The following TGFBI variants were observed in gnomAD, a reference collection of about 807,000 sequenced individuals.
TGFBI encodes the protein transforming growth factor beta induced.
TGFBI carries 50 observed loss-of-function variants against 73.7 expected under a neutral mutation model. The ratio of observed to expected loss-of-function variants is 0.68; its 90% CI spans 0.54 to 0.86. The LOEUF (loss-of-function observed/expected upper bound fraction) is 0.86. TGFBI is among the 40% of genes least tolerant of loss of function. TGFBI has a pLI of 0.00. For synonymous variants in TGFBI, 362 were observed against 360.5 expected (o/e 1.00, Z -0.05); for missense variants, 839 against 877.0 (o/e 0.96, Z 0.55).
chr5:136,060,668 C>T (rs371009522), intron 13 of TGFBI, among the ~76,000 whole-genome samples, 166 bp from the exon 14 acceptor site: 7 of 152,184 alleles, frequency 4.6e-5, no homozygotes, highest in African/African-American at 1.7e-4. Context: ...CGAGATCATG[C>T]CACTGCACTC....
At chr5:136,047,198 C>G in intron 5 of TGFBI, 76 bp from the exon 6 acceptor site, 1 of 1,583,674 alleles carries the variant, frequency 6.3e-7, no homozygotes, top group Non-Finnish European at 8.6e-7. Context: ...TTTGAAAACA[C>G]TGTTTTCTCC....
At chr5:136,054,923 G>T in intron 10 of TGFBI, 62 bp downstream of exon 10, 5 of 1,560,100 alleles carry the variant, frequency 3.2e-6, no homozygotes, top group Non-Finnish European at 4.3e-6. Flanking sequence ...TTGTATTAGT[G>T]TAAAAAAAAA....
chr5:136,034,381 G>T (rs1368732861), intron 2 of TGFBI, among the ~76,000 whole-genome samples: 1 of 151,876 alleles, frequency 6.6e-6, no homozygotes, highest in Non-Finnish European at 1.5e-5. Flanking sequence ...TGGGCCAGTC[G>T]ATTCATCTTT....
intron 2 of TGFBI, among the ~76,000 whole-genome samples, chr5:136,038,720 CA>C (rs35433510): frequency 1.5e-3 from 204 of 139,940 alleles, no homozygotes; most frequent in Non-Finnish European, 1.5e-3. Flanking sequence ...GACTCCATCT[CA>C]AAAAAAAAAA....
intron 2 of TGFBI, among the ~76,000 whole-genome samples, chr5:136,039,361 C>T (rs1751289017): frequency 6.6e-6 from 1 of 152,176 alleles, no homozygotes; most frequent in South Asian, 2.1e-4. Context: ...CCTTTTGCTG[C>T]CCCCAGGGGG....
At chr5:136,040,683 G>GAGA (rs2126906069) in intron 2 of TGFBI, among the ~76,000 whole-genome samples, 1 of 152,354 alleles carries the variant, frequency 6.6e-6, no homozygotes, top group South Asian at 2.1e-4. Context: ...TCTGGCTGAG[G>GAGA]AGAAGCCTGA....
intron 2 of TGFBI, among the ~76,000 whole-genome samples, chr5:136,042,260 C>T (rs1423070618): frequency 1.3e-5 from 2 of 152,218 alleles, no homozygotes; most frequent in East Asian, 3.8e-4. Flanking sequence ...CAGTTCTTCT[C>T]TGTCTTCTAG....
At position 136,047,389 on chromosome 5, in the gene TGFBI, T is replaced by C. The variant is rs376340498; in HGVS notation, c.740T>C (p.Ile247Thr). Residue 247 changes from isoleucine (I) to threonine (T), a missense_variant, in exon 6 of 17, where the codon ATT (isoleucine) becomes ACT (threonine). Coordinates refer to ENST00000442011, the MANE Select transcript of TGFBI (RefSeq NM_000358.3). Reference sequence around the variant, plus strand: ...ATCACCAACAACATCCAGCAGATCATTGAGATCGAGGACACCTTTGAGACC... The same window carrying C: ...ATCACCAACAACATCCAGCAGATCACTGAGATCGAGGACACCTTTGAGACC... ...STITNNIQQI[I>T]EIEDTFETLR... is the part of the protein sequence containing the mutation. 17 of 1,613,672 alleles carry C rather than the reference T, an allele frequency of 1.1e-5. No individual in the cohort carries two copies. Among genetic ancestry groups the C allele is most frequent in the African/African-American group, 5.3e-5 (4 of 74,884 alleles).
chr5:136,060,357 G>A (rs544489040), intron 13 of TGFBI, among the ~76,000 whole-genome samples: 2 of 152,324 alleles, frequency 1.3e-5, no homozygotes, highest in Admixed American at 1.3e-4. Flanking sequence ...GTCTGTCAAG[G>A]GCAGGGACTG....
chr5:136,053,131 C>G lies in TGFBI; in HGVS notation c.1126+12C>G, dbSNP rs373644623. On this transcript the variant is annotated intron_variant, in intron 8 of 16. Transcript: ENST00000442011. ...CATCCCAGACTCAGGTAGGCCAGGC[C>G]TCCGGGGGCCTTGGCCCTGCCTGGC... 1 of 1,612,148 alleles carries G rather than the reference C, an allele frequency of 6.2e-7. No individual in the cohort carries two copies. Among genetic ancestry groups the G allele is most frequent in the African/African-American group, 1.3e-5 (1 of 74,898 alleles).
At chr5:136,042,121 A>G (rs949669665) in intron 2 of TGFBI, among the ~76,000 whole-genome samples, 43 of 152,256 alleles carry the variant, frequency 2.8e-4, no homozygotes, top group African/African-American at 9.6e-4. Flanking sequence ...TCACAGCCCC[A>G]GTAATACAGC....
chr5:136,042,216 C>G (rs1225727852), intron 2 of TGFBI, among the ~76,000 whole-genome samples: 1 of 152,230 alleles, frequency 6.6e-6, no homozygotes, highest in African/African-American at 2.4e-5. Flanking sequence ...AGGCTTGGAG[C>G]TCTCCCTGGA....
intron 2 of TGFBI, among the ~76,000 whole-genome samples, chr5:136,039,884 A>G (rs1280179828): frequency 6.6e-6 from 1 of 152,220 alleles, no homozygotes; most frequent in Non-Finnish European, 1.5e-5. Flanking sequence ...ATCCCAGGCA[A>G]GCAGTCCATG....
intron 2 of TGFBI, among the ~76,000 whole-genome samples, chr5:136,042,844 C>T (rs945104920): frequency 6.6e-6 from 1 of 152,148 alleles, no homozygotes; most frequent in Non-Finnish European, 1.5e-5. Flanking sequence ...TTAACTAAGT[C>T]TTCCCTGAGA....
At chr5:136,045,613 G>A (rs1358290057) in intron 3 of TGFBI, 1 of 152,096 alleles carries the variant, frequency 6.6e-6, no homozygotes, top group African/African-American at 2.4e-5. Flanking sequence ...GGGCAATTTG[G>A]TTGGTTCCAA....
At chr5:136,055,852 A>G (rs756084778) in intron 11 of TGFBI, 36 bp downstream of exon 11, 14 of 1,568,522 alleles carry the variant, frequency 8.9e-6, no homozygotes, top group Non-Finnish European at 1.2e-5. Flanking sequence ...GCTTCTGCCC[A>G]GTGGTCATGC....
intron 2 of TGFBI, among the ~76,000 whole-genome samples, chr5:136,034,445 A>G (rs1282684357): frequency 6.6e-6 from 1 of 152,070 alleles, no homozygotes; most frequent in Admixed American, 6.5e-5. Flanking sequence ...GACCCACCTT[A>G]TGGGGTTGTT....
At chr5:136,053,325 A>T (rs1481049287) in intron 8 of TGFBI, among the ~76,000 whole-genome samples, 1 of 152,248 alleles carries the variant, frequency 6.6e-6, no homozygotes, top group East Asian at 1.9e-4. Flanking sequence ...GTGGAGAGGC[A>T]GTGGGGAGCT....
In TGFBI at chr5:136,055,088, T is replaced by C. The variant is rs976328568; in HGVS notation, c.1410+227T>C. 7.8e-5 allele frequency: 43 copies of C among 548,942 alleles called. No homozygotes were observed. The African/African-American group carries it at 7.9e-4, about 10-fold the overall frequency. The allele number at this position is 548,942 out of a possible 1,614,324, so 34.0% of individuals were successfully genotyped here. ...GAATAAACCACACAATTATCCAACC[T>C]GTATTGTGAAGGAATAAGTCCTTCT... On this transcript the variant is annotated intron_variant, in intron 10 of 16. Coordinates refer to ENST00000442011, the MANE Select transcript of TGFBI (RefSeq NM_000358.3).
Sources: allele counts gnomAD v4.1 joint callset (sites outside exome capture counted in the v4.1 genomes callset), GRCh38; gene constraint gnomAD v4.1.1; transcripts MANE v1.5; gene names NCBI Gene and HGNC (gene_info 2026-07-23, HGNC 2026-07-21).